Variants in IL1RAPL2 observed in about 807,000 individuals in gnomAD.
IL1RAPL2 encodes X-linked interleukin-1 receptor accessory protein-like 2.
Under a neutral mutation model 44.1 loss-of-function variants are expected in IL1RAPL2, and 3 were observed. The observed-to-expected ratio is 0.07, with a 90% CI of 0.03 to 0.18. IL1RAPL2 has a LOEUF of 0.18. IL1RAPL2 is among the 10% of genes least tolerant of loss of function. The pLI is 1.00. For missense variants in IL1RAPL2, 391 were observed against 496.4 expected (o/e 0.79, Z 2.02); for synonymous variants, 181 against 178.8 (o/e 1.01, Z -0.10).
intron 2 of IL1RAPL2, among the ~76,000 whole-genome samples, chrX:104,845,120 G>A (rs1055104195): frequency 1.1e-4 from 12 of 111,939 alleles, no homozygotes; most frequent in African/African-American, 3.9e-4. Context: ...GAGATGGAGA[G>A]TAGAAGTTGA....
At chrX:104,853,205 G>A (rs1166639770) in intron 2 of IL1RAPL2, among the ~76,000 whole-genome samples, 1 of 111,889 alleles carries the variant, frequency 8.9e-6, no homozygotes, top group Non-Finnish European at 1.9e-5. Context: ...AAAGCTTAAC[G>A]TTTGGTTGGT....
chrX:105,177,317 A>C (rs1015916231), intron 2 of IL1RAPL2, among the ~76,000 whole-genome samples: 1 of 109,783 alleles, frequency 9.1e-6, no homozygotes, highest in East Asian at 2.9e-4. Flanking sequence ...ACTGTCTCCT[A>C]TCACCCCCAG....
At chrX:104,706,217 G>A (rs1931361931) in intron 2 of IL1RAPL2, among the ~76,000 whole-genome samples, 1 of 111,140 alleles carries the variant, frequency 9.0e-6, no homozygotes, top group Admixed American at 9.6e-5. Context: ...TGTCTTATCT[G>A]TAAAAATAGA....
intron 2 of IL1RAPL2, among the ~76,000 whole-genome samples, chrX:104,885,943 C>T (rs959948347): frequency 1.9e-4 from 22 of 112,929 alleles, no homozygotes; most frequent in African/African-American, 5.8e-4. Flanking sequence ...ACAACAGGAC[C>T]GAGGGTGCCC....
chrX:105,761,173 C>T (rs1473804235), intron 10 of IL1RAPL2, among the ~76,000 whole-genome samples: 3 of 92,799 alleles, frequency 3.2e-5, no homozygotes, highest in Non-Finnish European at 4.2e-5. Context: ...AGCGAGACTC[C>T]GTCTCAAAAA....
intron 3 of IL1RAPL2, among the ~76,000 whole-genome samples, chrX:105,232,872 A>G (rs782782174): frequency 1.8e-5 from 2 of 111,900 alleles, no homozygotes; most frequent in South Asian, 7.4e-4. Flanking sequence ...CTGTGTTGAG[A>G]ATTCTTTATA....
chrX:105,218,815 C>T (rs1047861773), intron 3 of IL1RAPL2: 11 of 493,540 alleles, frequency 2.2e-5, no homozygotes, highest in Non-Finnish European at 3.0e-5. Flanking sequence ...TGAAGTTATT[C>T]GTAAAGGTAC....
intron 6 of IL1RAPL2, among the ~76,000 whole-genome samples, chrX:105,503,706 A>G (rs56785144): frequency 0.22 from 23,926 of 110,919 alleles, 6,342 homozygotes; most frequent in African/African-American, 0.75. Flanking sequence ...GAAACTAGAA[A>G]TCTGAAATCA....
At chrX:105,516,554 C>CAT (rs1219679570) in intron 6 of IL1RAPL2, among the ~76,000 whole-genome samples, 1 of 111,826 alleles carries the variant, frequency 8.9e-6, no homozygotes, top group African/African-American at 3.3e-5. Flanking sequence ...TTTCAGTTTG[C>CAT]ATATATATTT....
chrX:105,279,779 A>C (rs900002732), intron 5 of IL1RAPL2, among the ~76,000 whole-genome samples: 1 of 112,208 alleles, frequency 8.9e-6, no homozygotes, highest in Non-Finnish European at 1.9e-5. Flanking sequence ...CGCCTGGCCC[A>C]TCTTAGTTAT....
intron 10 of IL1RAPL2, among the ~76,000 whole-genome samples, chrX:105,757,560 G>C (rs944407528): frequency 1.8e-5 from 2 of 111,688 alleles, no homozygotes; most frequent in Non-Finnish European, 3.8e-5. Flanking sequence ...AGGATGGGCA[G>C]AGATTTTATA....
intron 5 of IL1RAPL2, among the ~76,000 whole-genome samples, chrX:105,308,777 A>T (rs1163618891): frequency 3.6e-5 from 4 of 112,063 alleles, no homozygotes; most frequent in African/African-American, 1.3e-4. Flanking sequence ...TTATGAAAAT[A>T]TATTTTCCTT....
intron 1 of IL1RAPL2, among the ~76,000 whole-genome samples, chrX:104,638,807 G>T (rs762750460): frequency 9.8e-5 from 11 of 112,178 alleles, no homozygotes; most frequent in Non-Finnish European, 2.1e-4. Context: ...AATGTTTCAT[G>T]TACTATGGAA....
At chrX:105,002,682 C>A (rs763929058) in intron 2 of IL1RAPL2, among the ~76,000 whole-genome samples, 3 of 109,289 alleles carry the variant, frequency 2.7e-5, no homozygotes, top group Non-Finnish European at 5.7e-5. Flanking sequence ...TCCCAACCCC[C>A]CTAATATACC....
At chrX:104,746,976 A>G (rs747551573) in intron 2 of IL1RAPL2, among the ~76,000 whole-genome samples, 9 of 111,753 alleles carry the variant, frequency 8.1e-5, no homozygotes, top group Middle Eastern at 4.6e-3. Flanking sequence ...CTTAGATCTA[A>G]CATTTTATCC....
chrX:105,379,980 G>A (rs2035417589), intron 5 of IL1RAPL2, among the ~76,000 whole-genome samples: 1 of 111,673 alleles, frequency 9.0e-6, no homozygotes, highest in South Asian at 3.7e-4. Context: ...GGGGGCATCT[G>A]TGAAGGTAAT....
At chrX:105,167,618 T>TC (rs1323210476) in intron 2 of IL1RAPL2, among the ~76,000 whole-genome samples, 16 of 87,209 alleles carry the variant, frequency 1.8e-4, no homozygotes, top group Non-Finnish European at 3.2e-4. Context: ...CAATGCCTCC[T>TC]CCCCCCGCCC....
intron 2 of IL1RAPL2, among the ~76,000 whole-genome samples, chrX:104,729,503 A>C (rs1385680067): frequency 2.5e-5 from 2 of 78,864 alleles, no homozygotes; most frequent in African/African-American, 9.4e-5. Context: ...TGGATTTTAC[A>C]TATTTTTAAC....
chrX:105,431,451 C>T (rs2035846733), intron 5 of IL1RAPL2, among the ~76,000 whole-genome samples: 1 of 111,353 alleles, frequency 9.0e-6, no homozygotes, highest in Non-Finnish European at 1.9e-5. Context: ...ACCATAACCT[C>T]CCTTATAGGT....
Sources: allele counts gnomAD v4.1 joint callset (sites outside exome capture counted in the v4.1 genomes callset), GRCh38; gene constraint gnomAD v4.1.1; transcripts MANE v1.5; gene names NCBI Gene and HGNC (gene_info 2026-07-23, HGNC 2026-07-21).